Variants in JDP2 observed in about 807,000 individuals in gnomAD.
JDP2 encodes the protein progesterone receptor co-activator.
In JDP2, 9 loss-of-function variants were observed where a neutral mutation model predicts 17.1. That is an observed-to-expected ratio of 0.53 (90% CI 0.32 to 0.92). The LOEUF (loss-of-function observed/expected upper bound fraction) is 0.92, where lower values mean the gene tolerates loss of function less well. JDP2 is among the 40% of genes least tolerant of loss of function. The pLI is 0.04. For synonymous variants in JDP2, 107 were observed against 95.6 expected (o/e 1.12, Z -0.69); for missense variants, 179 against 220.0 (o/e 0.81, Z 1.18).
intron 3 of JDP2, among the ~76,000 whole-genome samples, chr14:75,464,754 G>A (rs1196892958): frequency 2.0e-5 from 3 of 152,288 alleles, no homozygotes; most frequent in East Asian, 1.9e-4. Flanking sequence ...TAGACTAGCC[G>A]AGGCCCTGAA....
rs75216415 is a variant in JDP2 at position 75,446,253 on chromosome 14, A to G, written c.201+8132A>G. Among the ~76,000 whole-genome samples the G allele has an allele frequency of 8.2e-3, 1,244 of 152,356 alleles. 5 individuals are homozygous for G. The highest frequency in any genetic ancestry group is 0.014 in the Middle Eastern group (4 of 294). On this transcript the variant is annotated intron_variant, in intron 2 of 3. Coordinates refer to ENST00000651602, the MANE Select transcript of JDP2 (RefSeq NM_001135048.2). ...TTGGAAAACAGTCTGGCAGTTCCTC[A>G]AATGGCTAAACAGAGTTCCCATGCG...
At chr14:75,465,855 G>A (rs535468954) in intron 3 of JDP2, among the ~76,000 whole-genome samples, 2 of 152,090 alleles carry the variant, frequency 1.3e-5, no homozygotes, top group East Asian at 3.8e-4. Flanking sequence ...ACAACAAATG[G>A]TTTCATTTTC....
intron 3 of JDP2, 96 bp from the exon 4 acceptor site, chr14:75,469,194 G>T: frequency 7.7e-6 from 9 of 1,164,984 alleles, no homozygotes; most frequent in Non-Finnish European, 1.1e-5. Flanking sequence ...ACAGGCCAGT[G>T]CCAGCCCAGC....
In JDP2 at chr14:75,469,487, G is replaced by A; in HGVS notation, c.*12G>A. ...TCGAGAAGAAGTGACCATGGGCTGGGAGGAGGTGGAGGAGGAGGAAGAGGA... is the reference window on the plus strand; with the variant it reads ...TCGAGAAGAAGTGACCATGGGCTGGAAGGAGGTGGAGGAGGAGGAAGAGGA... On this transcript the variant is annotated 3_prime_UTR_variant, in exon 4 of 4. Coordinates refer to ENST00000651602, the MANE Select transcript of JDP2 (RefSeq NM_001135048.2). 1 of 1,607,084 alleles carries A rather than the reference G, an allele frequency of 6.2e-7. No homozygotes were observed.
chr14:75,429,574 C>T (rs1381548271), intron 1 of JDP2, among the ~76,000 whole-genome samples: 1 of 152,164 alleles, frequency 6.6e-6, no homozygotes, highest in East Asian at 1.9e-4. Context: ...CTTCCCATTG[C>T]TTTTACCTTT....
In JDP2 at chr14:75,430,396, T is replaced by C. The variant is rs1594941428; in HGVS notation, c.-24+2144T>C. ...GCTACATTCTTTTCTGCCTTTCTGC[T>C]GCAGGATGCAGTTTGCTTTTTTTCC... On this transcript the variant is annotated intron_variant, in intron 1 of 3. Transcript: ENST00000651602. The surrounding 1 kb of genome is among the most constrained non-coding windows in gnomAD (Gnocchi z 4.5). 6.6e-6 allele frequency among the ~76,000 whole-genome samples: 1 copy of C among 152,378 alleles called. No individual in the cohort carries two copies. The highest frequency in any genetic ancestry group is 2.4e-5 in the African/African-American group (1 of 41,592).
chr14:75,437,766 A>G (rs2140045321), intron 1 of JDP2, 132 bp from the exon 2 acceptor site: 2 of 617,112 alleles, frequency 3.2e-6, no homozygotes, highest in South Asian at 4.9e-5. Context: ...CGGCAGGAAG[A>G]GCAGCTGGGT....
intron 3 of JDP2, among the ~76,000 whole-genome samples, chr14:75,466,702 T>TC (rs1157459591): frequency 2.6e-5 from 4 of 152,146 alleles, no homozygotes; most frequent in Non-Finnish European, 5.9e-5. Context: ...GTCAGAGGCT[T>TC]CCCCTTGCAT....
At chr14:75,457,066 T>C (rs1156640783) in intron 2 of JDP2, among the ~76,000 whole-genome samples, 1 of 152,130 alleles carries the variant, frequency 6.6e-6, no homozygotes, top group Non-Finnish European at 1.5e-5. Context: ...AAAAGCATGC[T>C]CCCCTCCCAC....
At chr14:75,461,391 C>T (rs762956302) in intron 2 of JDP2, 35 bp from the exon 3 acceptor site, 1 of 1,508,728 alleles carries the variant, frequency 6.6e-7, no homozygotes, top group Admixed American at 1.9e-5. Flanking sequence ...CCAAGCCTGC[C>T]TCAGTGTCTA....
At chr14:75,431,786 CAG>C (rs1341578991) in intron 1 of JDP2, among the ~76,000 whole-genome samples, 1 of 152,084 alleles carries the variant, frequency 6.6e-6, no homozygotes, top group Non-Finnish European at 1.5e-5. Flanking sequence ...CTGCAGGAAA[CAG>C]AGACTAGTCC....
intron 2 of JDP2, among the ~76,000 whole-genome samples, chr14:75,440,716 G>A (rs1885303192): frequency 6.6e-6 from 1 of 152,218 alleles, no homozygotes; most frequent in South Asian, 2.1e-4. Context: ...TGTGGTGGAC[G>A]ATGGCTGCCG....
At chr14:75,458,120 T>C (rs1382983078) in intron 2 of JDP2, among the ~76,000 whole-genome samples, 2 of 152,218 alleles carry the variant, frequency 1.3e-5, no homozygotes, top group Admixed American at 1.3e-4. Context: ...TAGGATGCGA[T>C]GGAGACTCCT....
chr14:75,435,117 C>T (rs908322116), intron 1 of JDP2, among the ~76,000 whole-genome samples: 1 of 152,192 alleles, frequency 6.6e-6, no homozygotes, highest in African/African-American at 2.4e-5. Flanking sequence ...TCCTGCTGGC[C>T]CCTTCCCTGT....
At chr14:75,456,033 G>T (rs889268687) in intron 2 of JDP2, among the ~76,000 whole-genome samples, 1 of 152,128 alleles carries the variant, frequency 6.6e-6, no homozygotes, top group Non-Finnish European at 1.5e-5. Context: ...TCCTCCATTA[G>T]CCCCTGGCAT....
chr14:75,451,100 C>G (rs929061849), intron 2 of JDP2, among the ~76,000 whole-genome samples: 1 of 152,200 alleles, frequency 6.6e-6, no homozygotes, highest in Non-Finnish European at 1.5e-5. Flanking sequence ...GGTGGTAAGA[C>G]CACAGCAGGT....
chr14:75,432,476 C>A, intron 1 of JDP2: 1 of 792,850 alleles, frequency 1.3e-6, no homozygotes, highest in Non-Finnish European at 2.1e-6. Context: ...GAGTCTCAGT[C>A]GCCATTGCCC....
At position 75,451,850 on chromosome 14, in the gene JDP2, CTAAAATCTAGGGATTAGCCTTGG is replaced by C. The variant is rs557466170; in HGVS notation, c.202-9574_202-9552del. On this transcript the variant is annotated intron_variant, in intron 2 of 3. Coordinates refer to ENST00000651602, the MANE Select transcript of JDP2 (RefSeq NM_001135048.2). ...CTTCTCTGGGACTCAGTTTCCTCAT[CTAAAATCTAGGGATTAGCCTTGG>C]TGCTTCCAAGAGCCCCTGGCACTAA... 1.2e-3 allele frequency among the ~76,000 whole-genome samples: 187 copies of C among 152,084 alleles called. 1 individual carries two copies. Among genetic ancestry groups the C allele is most frequent in the Non-Finnish European group, 1.1e-3 (76 of 67,954 alleles).
intron 1 of JDP2, chr14:75,432,105 T>C: frequency 1.7e-6 from 1 of 584,404 alleles, no homozygotes; most frequent in South Asian, 2.1e-5. Flanking sequence ...CCCCCCTTCC[T>C]CTTGGCCTGC....
Sources: gnomAD v4.1 joint callset for allele counts (sites outside exome capture counted in the v4.1 genomes callset) on GRCh38, gnomAD v4.1.1 for gene constraint, Gnocchi (gnomAD v3.1) non-coding constraint, MANE v1.5 for transcripts, NCBI Gene and HGNC (gene_info 2026-07-23, HGNC 2026-07-21) for gene names.